Variants in OTOP3 observed in about 807,000 individuals in gnomAD.
OTOP3 encodes the protein otopetrin 3, also known as proton channel OTOP3.
A neutral mutation model predicts 50.8 loss-of-function variants in OTOP3; 41 were observed. The observed-to-expected ratio is 0.81, with a 90% CI of 0.63 to 1.05. OTOP3 has a LOEUF of 1.05. Ranked by LOEUF, OTOP3 falls within the 50% of genes least tolerant of loss-of-function variation. The pLI is 0.00. For missense variants in OTOP3, 788 were observed against 760.8 expected (o/e 1.04, Z -0.42); for synonymous variants, 320 against 324.4 (o/e 0.99, Z 0.14).
intron 5 of OTOP3, 75 bp downstream of exon 5, chr17:74,943,799 C>T (rs1056808073): frequency 2.5e-5 from 30 of 1,202,596 alleles, no homozygotes; most frequent in African/African-American, 1.2e-4. Flanking sequence ...CACACATAAA[C>T]GCTACACTCT....
chr17:74,948,440 C>A (rs1263726565), intron 6 of OTOP3, among the ~76,000 whole-genome samples: 1 of 152,168 alleles, frequency 6.6e-6, no homozygotes, highest in Non-Finnish European at 1.5e-5. Context: ...GTGAGTGGAT[C>A]ATTTGAGGCC....
Position 74,949,137 on chromosome 17 carries a change from G to A in OTOP3, c.1567-109G>A, listed in dbSNP as rs965745094. On this transcript the variant is annotated intron_variant, in intron 6 of 6. Transcript: ENST00000328801. ...AGGGTTAGAAGAAGACTGAGCGGGA[G>A]GTGGGGGTGGCACTGGAGGGGCTGC... 3 of 1,087,036 alleles carry A rather than the reference G, an allele frequency of 2.8e-6. No individual in the cohort carries two copies. The African/African-American group carries it at 4.7e-5, about 17-fold the overall frequency. 67.3% of individuals were successfully genotyped at this position (1,087,036 alleles called of 1,614,324 possible).
intron 1 of OTOP3, among the ~76,000 whole-genome samples, chr17:74,936,990 T>A (rs1450631645): frequency 1.9e-5 from 2 of 107,856 alleles, no homozygotes; most frequent in Non-Finnish European, 3.5e-5. Context: ...TGAGACAGGG[T>A]CTAACTCTGT....
chr17:74,949,578 C>T lies in OTOP3; in HGVS notation c.*162C>T. 1 of 801,288 alleles carries T rather than the reference C, an allele frequency of 1.2e-6. No homozygotes were observed. Among genetic ancestry groups the T allele is most frequent in the South Asian group, 1.9e-5 (1 of 53,388 alleles). The allele number at this position is 801,288 out of a possible 1,614,324, so 49.6% of individuals were successfully genotyped here. On this transcript the variant is annotated 3_prime_UTR_variant, in exon 7 of 7. Coordinates refer to ENST00000328801, the MANE Select transcript of OTOP3 (RefSeq NM_001272005.2). ...CTGAAGGGGAGGGCACTGCCTAGAGCCAGAGGCCAACAGCAGGGGCCTGGA... is the reference window on the plus strand; with the variant it reads ...CTGAAGGGGAGGGCACTGCCTAGAGTCAGAGGCCAACAGCAGGGGCCTGGA...
At chr17:74,942,751 C>A (rs1044233030) in intron 3 of OTOP3, among the ~76,000 whole-genome samples, 2 of 152,004 alleles carry the variant, frequency 1.3e-5, no homozygotes, top group African/African-American at 2.4e-5. Flanking sequence ...ACCATCCTGG[C>A]TAACACAGTG....
Position 74,947,166 on chromosome 17 carries a change from T to G in OTOP3, c.1257T>G (p.Ile419Met). The G allele has an allele frequency of 6.2e-7, 1 of 1,614,050 alleles. No homozygotes were observed. The highest frequency in any genetic ancestry group is 8.5e-7 in the Non-Finnish European group (1 of 1,180,016). Reference protein sequence around the residue: ...MGIAYFSIVAIVAKRPHELLN... With the variant: ...MGIAYFSIVAMVAKRPHELLN... ...TCGCCTATTTCTCCATCGTGGCCAT[T>G]GTGGCCAAGCGCCCGCATGAGCTGC... The change falls in exon 6 of 7, where the codon ATT becomes ATG. Residue 419 changes from isoleucine (I) to methionine (M), a missense_variant. Ile to Met is a conservative substitution (Grantham distance 10). Transcript: ENST00000328801.
intron 1 of OTOP3, among the ~76,000 whole-genome samples, 189 bp downstream of exon 1, chr17:74,936,129 C>T (rs2039112460): frequency 6.6e-6 from 1 of 152,252 alleles, no homozygotes; most frequent in South Asian, 2.1e-4. Context: ...CCGCAACCCG[C>T]GCTCCGCGCC....
In OTOP3 at chr17:74,947,117, G is replaced by C. The variant is rs1448054626; in HGVS notation, c.1208G>C (p.Gly403Ala). Residue 403 changes from glycine to alanine, a missense_variant, in exon 6 of 7, where the codon GGT becomes GCT. By Grantham distance (60) the Gly-to-Ala change is moderately conservative. Transcript: ENST00000328801. ...AGCCTGGATGTGGTGCTGCTAATGG[G>C]TGCTGCACTGGGCCAGATGGGCATC... ...TRSLDVVLLMGAALGQMGIAY... is the reference protein window; with the variant it reads ...TRSLDVVLLMAAALGQMGIAY... 6.2e-7 allele frequency: 1 copy of C among 1,614,040 alleles called. No homozygotes were observed. The highest frequency in any genetic ancestry group is 1.3e-5 in the African/African-American group (1 of 74,954).
rs34805215 is a variant in OTOP3 at position 74,947,323 on chromosome 17, G to A, written c.1414G>A (p.Glu472Lys). The A allele has an allele frequency of 0.012, 18,940 of 1,613,300 alleles. 153 individuals carry two copies. The highest frequency in any genetic ancestry group is 0.013 in the Non-Finnish European group (15,398 of 1,179,892). ...TCCCGAGGGCCTGGCAGGAAAGCAG[G>A]AGGCTGAGCCTCCCCGCAGAGGCTC... ...TVPEGLAGKQ[E>K]AEPPRRGSLL... Residue 472 changes from glutamate (E) to lysine (K), a missense_variant, in exon 6 of 7, where the codon GAG (glutamate) becomes AAG (lysine). By Grantham distance (56) the Glu-to-Lys change is moderately conservative. Coordinates refer to ENST00000328801, the MANE Select transcript of OTOP3 (RefSeq NM_001272005.2).
rs371727924 is a variant in OTOP3 at position 74,947,515 on chromosome 17, C to T, written c.1566+40C>T. On this transcript the variant is annotated intron_variant, in intron 6 of 6. Transcript: ENST00000328801. ...TAAGGGGCCTGGAGGGTAGAGGTGG[C>T]CAGGCAGACCCAGAAAGCCTCACTC... is the stretch of plus-strand genomic sequence containing the variant. 2.1e-5 allele frequency: 32 copies of T among 1,502,560 alleles called. No homozygotes were observed. The South Asian group carries it at 3.8e-4, about 18-fold the overall frequency. The allele number at this position is 1,502,560 out of a possible 1,614,324, so 93.1% of individuals were successfully genotyped here.
intron 1 of OTOP3, among the ~76,000 whole-genome samples, chr17:74,940,088 T>TACACACACAC (rs35662550): frequency 8.2e-5 from 10 of 122,326 alleles, no homozygotes; most frequent in African/African-American, 3.2e-4. Context: ...ATATATATTA[T>TACACACACAC]ACACACACAC....
Position 74,949,233 on chromosome 17 carries a change from T to C in OTOP3, c.1567-13T>C, listed in dbSNP as rs540416612. On this transcript the variant is annotated splice_polypyrimidine_tract_variant and intron_variant, in intron 6 of 6. Transcript: ENST00000328801. ...GAGAGCCCTTCCCTAACTCAGCACA[T>C]CCTCTTCCCCAGCTGTGGATGATGC... The C allele has an allele frequency of 1.2e-6, 2 of 1,612,804 alleles. No homozygotes were observed. Among genetic ancestry groups the C allele is most frequent in the South Asian group, 2.2e-5 (2 of 90,780 alleles).
Position 74,947,189 on chromosome 17 carries a change from T to C in OTOP3, c.1280T>C (p.Leu427Pro). 6.2e-7 allele frequency: 1 copy of C among 1,614,012 alleles called. No individual in the cohort carries two copies. The highest frequency in any genetic ancestry group is 2.2e-5 in the East Asian group (1 of 44,888). ...VAIVAKRPHE[L>P]LNRLILAYSL... Reference sequence around the variant, plus strand: ...ATTGTGGCCAAGCGCCCGCATGAGCTGCTCAACCGCCTCATCCTGGCCTAC... The same window carrying C: ...ATTGTGGCCAAGCGCCCGCATGAGCCGCTCAACCGCCTCATCCTGGCCTAC... The change falls in exon 6 of 7, where the codon CTG becomes CCG. Residue 427 changes from leucine to proline, a missense_variant. Coordinates refer to ENST00000328801, the MANE Select transcript of OTOP3 (RefSeq NM_001272005.2).
chr17:74,938,677 G>A (rs1356055386), intron 1 of OTOP3, among the ~76,000 whole-genome samples: 2 of 152,178 alleles, frequency 1.3e-5, no homozygotes, highest in Non-Finnish European at 2.9e-5. Context: ...CAGAGAACCT[G>A]GAACCTTGTC....
chr17:74,945,451 T>A (rs2039216679), intron 5 of OTOP3, among the ~76,000 whole-genome samples: 2 of 152,220 alleles, frequency 1.3e-5, no homozygotes, highest in South Asian at 4.1e-4. Context: ...TAAATTGGTG[T>A]TTTCCCACTG....
intron 1 of OTOP3, among the ~76,000 whole-genome samples, chr17:74,940,744 G>T (rs963857009): frequency 1.3e-5 from 2 of 152,144 alleles, no homozygotes; most frequent in Non-Finnish European, 2.9e-5. Flanking sequence ...TGGAAAAATT[G>T]TCTTCCACGA....
chr17:74,947,359 C>A lies in OTOP3; in HGVS notation c.1450C>A (p.Leu484Met), dbSNP rs147607835. 8 of 1,612,974 alleles carry A rather than the reference C, an allele frequency of 5.0e-6. No individual in the cohort carries two copies. Among genetic ancestry groups the A allele is most frequent in the Non-Finnish European group, 5.9e-6 (7 of 1,180,006 alleles). The change falls in exon 6 of 7, where the codon CTG (leucine) becomes ATG (methionine). Residue 484 changes from leucine (L) to methionine (M), a missense_variant. Physicochemically the swap from Leu to Met is conservative, Grantham distance 15. Coordinates refer to ENST00000328801, the MANE Select transcript of OTOP3 (RefSeq NM_001272005.2). ...EPPRRGSLLE[L>M]GQGLQRASLA... ...TCCCCGCAGAGGCTCCTTGCTGGAGCTGGGCCAGGGCCTGCAGCGGGCCTC... is the reference window on the plus strand; with the variant it reads ...TCCCCGCAGAGGCTCCTTGCTGGAGATGGGCCAGGGCCTGCAGCGGGCCTC...
chr17:74,949,545 G>A lies in OTOP3; in HGVS notation c.*129G>A. On this transcript the variant is annotated 3_prime_UTR_variant, in exon 7 of 7. Coordinates refer to ENST00000328801, the MANE Select transcript of OTOP3 (RefSeq NM_001272005.2). ...GGCTCTCAAGGCCTCCTGCTCCCCA[G>A]AGCCTCACTGAAGGGGAGGGCACTG... 2 of 1,081,450 alleles carry A rather than the reference G, an allele frequency of 1.8e-6. No homozygotes were observed. The highest frequency in any genetic ancestry group is 1.6e-5 in the African/African-American group (1 of 63,048). 67.0% of individuals were successfully genotyped at this position (1,081,450 alleles called of 1,614,324 possible).
rs546155371 is a variant in OTOP3, at chr17:74,941,632, T to G, written c.259T>G (p.Phe87Val). The G allele has an allele frequency of 2.8e-5, 45 of 1,613,950 alleles. No individual in the cohort carries two copies. In the South Asian group the frequency reaches 4.7e-4, roughly 17 times the overall value. The change falls in exon 2 of 7, where the codon TTC (phenylalanine) becomes GTC (valine). Residue 87 changes from phenylalanine (F) to valine (V), a missense_variant. Physicochemically the swap from Phe to Val is conservative, Grantham distance 50. Transcript: ENST00000328801. ...ALNVVFLGGA[F>V]ICSMIFNKVA... ...GAATGTGGTGTTCCTGGGTGGCGCC[T>G]TCATCTGCAGCATGATCTTCAACAA...
Sources: gnomAD v4.1 joint callset for allele counts (sites outside exome capture counted in the v4.1 genomes callset) on GRCh38, gnomAD v4.1.1 for gene constraint, MANE v1.5 for transcripts, NCBI Gene and HGNC (gene_info 2026-07-23, HGNC 2026-07-21) for gene names.